NPSR1: variants seen among roughly 807,000 people sequenced by gnomAD.
NPSR1 encodes the protein neuropeptide S receptor.
In NPSR1, 48 loss-of-function variants were observed where a neutral mutation model predicts 46.9. That is an observed-to-expected ratio of 1.02 (90% CI 0.81 to 1.30). NPSR1 has a LOEUF of 1.30. Ranked by LOEUF, NPSR1 falls within the 50% of genes most tolerant of loss-of-function variation. NPSR1 has a pLI of 0.00. For missense variants in NPSR1, 450 were observed against 449.5 expected (o/e 1.00, Z -0.01); for synonymous variants, 176 against 168.1 (o/e 1.05, Z -0.36).
At chr7:34,793,631 A>G (rs1042891839) in intron 3 of NPSR1, among the ~76,000 whole-genome samples, 3 of 152,298 alleles carry the variant, frequency 2.0e-5, no homozygotes, top group Admixed American at 1.3e-4. Flanking sequence ...GGGAATGTAA[A>G]TTAGAACAGT....
intron 3 of NPSR1, among the ~76,000 whole-genome samples, chr7:34,799,246 T>C (rs911370751): frequency 4.6e-5 from 7 of 152,090 alleles, no homozygotes; most frequent in Non-Finnish European, 1.0e-4. Flanking sequence ...ACGTATATTA[T>C]TTTGTTTTTC....
intron 3 of NPSR1, among the ~76,000 whole-genome samples, chr7:34,794,237 T>G (rs924227507): frequency 1.1e-4 from 17 of 152,144 alleles, no homozygotes; most frequent in African/African-American, 3.9e-4. Context: ...GTTCTCACCA[T>G]AAAGAAATGA....
chr7:34,735,815 C>T (rs1338608493), intron 2 of NPSR1, among the ~76,000 whole-genome samples: 1 of 152,114 alleles, frequency 6.6e-6, no homozygotes, highest in Non-Finnish European at 1.5e-5. Flanking sequence ...AAATATCCAG[C>T]ATTGAAAGAA....
intron 6 of NPSR1, among the ~76,000 whole-genome samples, chr7:34,842,259 G>A (rs1790592409): frequency 1.3e-5 from 2 of 152,360 alleles, no homozygotes; most frequent in Admixed American, 1.3e-4. Context: ...CAAAGTTTTA[G>A]TAATTGGTAG....
chr7:34,741,937 C>G (rs1308463571), intron 2 of NPSR1, among the ~76,000 whole-genome samples: 1 of 152,192 alleles, frequency 6.6e-6, no homozygotes, highest in African/African-American at 2.4e-5. Context: ...GTTGATTCTA[C>G]CAGTTTTTGC....
intron 3 of NPSR1, among the ~76,000 whole-genome samples, chr7:34,799,419 T>C (rs1788361480): frequency 6.6e-6 from 1 of 151,888 alleles, no homozygotes; most frequent in African/African-American, 2.4e-5. Context: ...TTCAACATTC[T>C]TAAAGAAAAC....
At chr7:34,722,645 G>A (rs1467548392) in intron 2 of NPSR1, among the ~76,000 whole-genome samples, 2 of 152,344 alleles carry the variant, frequency 1.3e-5, no homozygotes, top group East Asian at 3.9e-4. Flanking sequence ...AGCAAACCAA[G>A]TGAGAGGTGA....
intron 1 of NPSR1, among the ~76,000 whole-genome samples, chr7:34,668,695 A>G (rs530227337): frequency 6.6e-6 from 1 of 152,352 alleles, no homozygotes; most frequent in African/African-American, 2.4e-5. Flanking sequence ...TCAGGGAACC[A>G]GTTGATGGAA....
chr7:34,818,929 T>TA (rs1348207741), intron 4 of NPSR1, among the ~76,000 whole-genome samples: 2 of 152,180 alleles, frequency 1.3e-5, no homozygotes, highest in Admixed American at 1.3e-4. Flanking sequence ...CAAGATGGAT[T>TA]AAAGACTTAA....
At chr7:34,757,723 G>A (rs1785939224) in intron 2 of NPSR1, among the ~76,000 whole-genome samples, 1 of 152,022 alleles carries the variant, frequency 6.6e-6, no homozygotes, top group Non-Finnish European at 1.5e-5. Context: ...CCCAACCTCG[G>A]CCCAACCCTC....
At chr7:34,720,419 G>A (rs1783796760) in intron 2 of NPSR1, among the ~76,000 whole-genome samples, 1 of 152,182 alleles carries the variant, frequency 6.6e-6, no homozygotes, top group Non-Finnish European at 1.5e-5. Context: ...CTCTATACCA[G>A]TCTCCACTTT....
intron 3 of NPSR1, among the ~76,000 whole-genome samples, chr7:34,795,272 C>T (rs1040594563): frequency 8.5e-5 from 13 of 152,106 alleles, no homozygotes; most frequent in African/African-American, 3.1e-4. Context: ...TCTTCCTCAA[C>T]TTGAAAAATA....
intron 1 of NPSR1, among the ~76,000 whole-genome samples, chr7:34,661,643 C>T (rs190153882): frequency 3.2e-4 from 48 of 152,302 alleles, no homozygotes; most frequent in Middle Eastern, 3.4e-3. Context: ...CCTTCCTAAG[C>T]ATGTGAGGCT....
At chr7:34,810,696 T>C (rs1788936213) in intron 3 of NPSR1, among the ~76,000 whole-genome samples, 1 of 152,216 alleles carries the variant, frequency 6.6e-6, no homozygotes, top group Non-Finnish European at 1.5e-5. Flanking sequence ...AAAAATTAGT[T>C]TAGCTTTAAA....
chr7:34,786,634 A>AAAT (rs1306918599), intron 3 of NPSR1, among the ~76,000 whole-genome samples: 1 of 152,174 alleles, frequency 6.6e-6, no homozygotes, highest in Non-Finnish European at 1.5e-5. Flanking sequence ...TGTATTTCTT[A>AAAT]AATAATAACA....
intron 2 of NPSR1, among the ~76,000 whole-genome samples, chr7:34,734,464 G>A (rs560394693): frequency 5.3e-5 from 8 of 151,956 alleles, no homozygotes; most frequent in Non-Finnish European, 1.2e-4. Context: ...TGGATGATAG[G>A]GTCGAAAATA....
At chr7:34,736,754 C>T (rs1185834728) in intron 2 of NPSR1, among the ~76,000 whole-genome samples, 1 of 152,066 alleles carries the variant, frequency 6.6e-6, no homozygotes, top group Non-Finnish European at 1.5e-5. Flanking sequence ...TCATGCAGTA[C>T]CACAATCAGC....
Position 34,826,355 on chromosome 7 carries a change from C to T in NPSR1, c.479-1046C>T, listed in dbSNP as rs1789838443. The stretch of plus-strand genomic sequence containing the variant: ...TTTGGGTTTGGATTTTAATAGAGTC[C>T]CTAGTTTCCTCTAGATTTTTCTCAC... On this transcript the variant is annotated intron_variant, in intron 4 of 8. Transcript: ENST00000360581. Among the ~76,000 whole-genome samples, 3 of 152,104 alleles carry T rather than the reference C, an allele frequency of 2.0e-5. No homozygotes were observed. The South Asian group carries it at 6.2e-4, about 32-fold the overall frequency.
At position 34,777,234 on chromosome 7, in the gene NPSR1, T is replaced by C. The variant is rs1233096223; in HGVS notation, c.281-1228T>C. Among the ~76,000 whole-genome samples the C allele has an allele frequency of 3.9e-5, 6 of 152,166 alleles. No individual in the cohort carries two copies. The East Asian group carries it at 1.2e-3, about 29-fold the overall frequency. ...CACTTTAGCTTGCAGTGGTAAGGCT[T>C]GTGGGAACTCAAGTTCTGACCACCA... On this transcript the variant is annotated intron_variant, in intron 2 of 8. Coordinates refer to ENST00000360581, the MANE Select transcript of NPSR1 (RefSeq NM_207172.2).
Sources: gnomAD v4.1 joint callset for allele counts (sites outside exome capture counted in the v4.1 genomes callset) on GRCh38, gnomAD v4.1.1 for gene constraint, MANE v1.5 for transcripts, NCBI Gene and HGNC (gene_info 2026-07-23, HGNC 2026-07-21) for gene names.